INPP4B: variants seen among roughly 807,000 people sequenced by gnomAD.
The protein encoded by INPP4B is inositol polyphosphate 4-phosphatase type II.
INPP4B carries 55 observed loss-of-function variants against 122.5 expected under a neutral mutation model. That is an observed-to-expected ratio of 0.45 (90% CI 0.36 to 0.56). The LOEUF (loss-of-function observed/expected upper bound fraction) is 0.56. INPP4B is among the 20% of genes least tolerant of loss of function. The pLI is 0.00. For synonymous variants in INPP4B, 403 were observed against 388.7 expected, an observed-to-expected ratio of 1.04 and a Z score of -0.43; for missense variants, 1,000 against 1,097.7, an observed-to-expected ratio of 0.91 and a Z score of 1.26.
At chr4:142,080,823 C>G (rs1773542940) in intron 25 of INPP4B, among the ~76,000 whole-genome samples, 2 of 152,266 alleles carry the variant, frequency 1.3e-5, no homozygotes, top group East Asian at 3.9e-4. Flanking sequence ...TTTGTTCCAT[C>G]TATAGTGACA....
chr4:142,409,134 G>T (rs1004559075), intron 5 of INPP4B, among the ~76,000 whole-genome samples: 1 of 152,256 alleles, frequency 6.6e-6, no homozygotes, highest in South Asian at 2.1e-4. Context: ...GCTCATATTT[G>T]TACAGGAGCC....
chr4:142,024,430 C>T lies in INPP4B; in HGVS notation c.*4352G>A, dbSNP rs1027689040. On this transcript the variant is annotated 3_prime_UTR_variant, in exon 26 of 26. Coordinates refer to ENST00000262992, the MANE Select transcript of INPP4B (RefSeq NM_001101669.3). ...CGTGCATAATTTTTAAGGCCTCCAGCTACTATGATGCCTTGTGTTCAATAT... is the reference window on the plus strand; with the variant it reads ...CGTGCATAATTTTTAAGGCCTCCAGTTACTATGATGCCTTGTGTTCAATAT... 6.6e-6 allele frequency: 1 copy of T among 152,154 alleles called. No individual in the cohort carries two copies. The highest frequency in any genetic ancestry group is 2.1e-4 in the South Asian group (1 of 4,830). The allele number at this position is 152,154 out of a possible 1,614,324, so 9.4% of individuals were successfully genotyped here.
intron 25 of INPP4B, among the ~76,000 whole-genome samples, chr4:142,072,615 GT>G (rs1355264768): frequency 6.7e-6 from 1 of 149,556 alleles, no homozygotes; most frequent in Admixed American, 6.7e-5. Flanking sequence ...TAAAAACAAT[GT>G]GATAGGAAGC....
At chr4:142,672,152 A>G (rs1001969822) in intron 2 of INPP4B, among the ~76,000 whole-genome samples, 2 of 152,196 alleles carry the variant, frequency 1.3e-5, no homozygotes, top group Admixed American at 6.6e-5. Flanking sequence ...ACATTTTCAT[A>G]GTTTACATTT....
intron 1 of INPP4B, among the ~76,000 whole-genome samples, chr4:142,737,986 T>C (rs1158056337): frequency 2.0e-5 from 3 of 152,112 alleles, no homozygotes; most frequent in African/African-American, 4.8e-5. Flanking sequence ...TATGGAGAAA[T>C]AGGAACACTT....
intron 1 of INPP4B, among the ~76,000 whole-genome samples, chr4:142,738,145 A>C (rs1767273489): frequency 6.6e-6 from 1 of 152,190 alleles, no homozygotes; most frequent in African/African-American, 2.4e-5. Context: ...TGCTGCTATA[A>C]AGACACATGC....
intron 2 of INPP4B, among the ~76,000 whole-genome samples, chr4:142,556,130 T>A (rs996317838): frequency 6.6e-6 from 1 of 152,130 alleles, no homozygotes; most frequent in Non-Finnish European, 1.5e-5. Flanking sequence ...AAAGCTGCAA[T>A]CAGAACCCAG....
intron 7 of INPP4B, among the ~76,000 whole-genome samples, chr4:142,401,846 G>A (rs1443772461): frequency 6.6e-6 from 1 of 152,120 alleles, no homozygotes; most frequent in Non-Finnish European, 1.5e-5. Flanking sequence ...ATGTACATAT[G>A]CTGTGCATTT....
Position 142,122,122 on chromosome 4 carries a change from G to C in INPP4B, c.2135+6C>G, listed in dbSNP as rs1457099378. The C allele has an allele frequency of 6.3e-7, 1 of 1,580,046 alleles. No individual in the cohort carries two copies. Among genetic ancestry groups the C allele is most frequent in the East Asian group, 2.3e-5 (1 of 44,332 alleles). On this transcript the variant is annotated splice_donor_region_variant and intron_variant, in intron 21 of 25. Coordinates refer to ENST00000262992, the MANE Select transcript of INPP4B (RefSeq NM_001101669.3). ...GCCTGGTCTTCAGGAAGTGAGCACT[G>C]CTTACCGTCTTCCTGTTATAACTGG...
At chr4:142,063,698 A>G (rs1023485950) in intron 25 of INPP4B, among the ~76,000 whole-genome samples, 2 of 152,154 alleles carry the variant, frequency 1.3e-5, no homozygotes, top group Non-Finnish European at 2.9e-5. Flanking sequence ...AAAATCCCTA[A>G]GGCTTTTTAA....
chr4:142,752,146 TTAGAGCTG>T (rs1298502491), intron 1 of INPP4B, among the ~76,000 whole-genome samples: 1 of 152,074 alleles, frequency 6.6e-6, no homozygotes, highest in Non-Finnish European at 1.5e-5. Flanking sequence ...AGACTTTTTT[TTAGAGCTG>T]TAGAATGGAA....
At position 142,112,497 on chromosome 4, in the gene INPP4B, G is replaced by A. The variant is rs201872943; in HGVS notation, c.2276+45C>T. On this transcript the variant is annotated intron_variant, in intron 22 of 25. Transcript: ENST00000262992. ...GGGACTTCTCATCATATGCTTAAAA[G>A]GAACAAAGAAAAATCTCAAGTGCGA... 8.5e-4 allele frequency: 1,367 copies of A among 1,605,300 alleles called. 2 individuals are homozygous for A. The highest frequency in any genetic ancestry group is 1.7e-3 in the Middle Eastern group (10 of 5,828).
At chr4:142,499,789 G>A (rs946065412) in intron 2 of INPP4B, among the ~76,000 whole-genome samples, 1 of 152,002 alleles carries the variant, frequency 6.6e-6, no homozygotes, top group Non-Finnish European at 1.5e-5. Context: ...GAAAATATCA[G>A]ACCTCCCAGA....
chr4:142,725,554 C>T (rs992688469), intron 2 of INPP4B, among the ~76,000 whole-genome samples: 1 of 152,074 alleles, frequency 6.6e-6, no homozygotes. Flanking sequence ...AAAGAGACTG[C>T]AATCCTGTAC....
chr4:142,699,346 A>C (rs1444748839), intron 2 of INPP4B, among the ~76,000 whole-genome samples: 1 of 152,162 alleles, frequency 6.6e-6, no homozygotes, highest in Non-Finnish European at 1.5e-5. Context: ...TATCCAGCTT[A>C]AATGTCATGG....
chr4:142,450,978 C>T (rs1392640814), intron 3 of INPP4B, among the ~76,000 whole-genome samples: 1 of 149,460 alleles, frequency 6.7e-6, no homozygotes, highest in Non-Finnish European at 1.5e-5. Flanking sequence ...AATTAACTCC[C>T]CCCCCCAAAA....
chr4:142,463,158 ACTC>A (rs1229156494), intron 2 of INPP4B, among the ~76,000 whole-genome samples: 1 of 152,070 alleles, frequency 6.6e-6, no homozygotes, highest in African/African-American at 2.4e-5. Flanking sequence ...AAACCTCTGA[ACTC>A]CTGGAAGAGT....
intron 1 of INPP4B, among the ~76,000 whole-genome samples, chr4:142,838,328 A>C (rs1311535550): frequency 6.6e-6 from 1 of 151,074 alleles, no homozygotes; most frequent in Non-Finnish European, 1.5e-5. Context: ...TTCAATGGAG[A>C]CTTCGTACAT....
At chr4:142,087,932 G>T (rs1446209650) in intron 23 of INPP4B, among the ~76,000 whole-genome samples, 1 of 152,106 alleles carries the variant, frequency 6.6e-6, no homozygotes, top group Non-Finnish European at 1.5e-5. Context: ...GGAAGGTTGG[G>T]TACAATTCAG....
Sources: gnomAD v4.1 joint callset for allele counts (sites outside exome capture counted in the v4.1 genomes callset) on GRCh38, gnomAD v4.1.1 for gene constraint, MANE v1.5 for transcripts, NCBI Gene and HGNC (gene_info 2026-07-23, HGNC 2026-07-21) for gene names.